ABL2: variants seen among roughly 807,000 people sequenced by gnomAD.
ABL2 encodes the protein ABL proto-oncogene 2, non-receptor tyrosine kinase.
Under a neutral mutation model 107.7 loss-of-function variants are expected in ABL2, and 49 were observed. The ratio of observed to expected loss-of-function variants is 0.45; its 90% CI spans 0.36 to 0.58. The LOEUF (loss-of-function observed/expected upper bound fraction) is 0.58, where lower values mean the gene tolerates loss of function less well. Ranked by LOEUF, ABL2 falls within the 20% of genes least tolerant of loss-of-function variation. The pLI, the probability that ABL2 is intolerant of heterozygous loss-of-function variation, is 0.00. For missense variants in ABL2, 1,245 were observed against 1,457.0 expected, an observed-to-expected ratio of 0.85 and a Z score of 2.37; for synonymous variants, 549 against 548.6, an observed-to-expected ratio of 1.00 and a Z score of -0.01.
At chr1:179,206,954 C>T (rs924742399) in intron 1 of ABL2, among the ~76,000 whole-genome samples, 2 of 151,978 alleles carry the variant, frequency 1.3e-5, no homozygotes, top group African/African-American at 4.8e-5. Flanking sequence ...ATGTACAGAG[C>T]GAAAAAGAGA....
chr1:179,145,995 G>T (rs1309330222), intron 1 of ABL2, among the ~76,000 whole-genome samples: 1 of 151,206 alleles, frequency 6.6e-6, no homozygotes, highest in African/African-American at 2.4e-5. Context: ...CCAGGTTCAA[G>T]CGATTCTCCT....
At chr1:179,169,939 G>A (rs992499585) in intron 1 of ABL2, among the ~76,000 whole-genome samples, 2 of 152,002 alleles carry the variant, frequency 1.3e-5, no homozygotes, top group African/African-American at 4.8e-5. Flanking sequence ...TGAAGTGGCA[G>A]GAGCTTGAGT....
chr1:179,138,898 C>G (rs1027882569), intron 1 of ABL2, among the ~76,000 whole-genome samples: 2 of 152,232 alleles, frequency 1.3e-5, no homozygotes, highest in African/African-American at 4.8e-5. Flanking sequence ...GCTGGAGTTC[C>G]GGGTGGGCGT....
rs1335312607 is a variant in ABL2 at position 179,184,313 on chromosome 1, G to A, written c.157+44928C>T. 3 of 539,566 alleles carry A rather than the reference G, an allele frequency of 5.6e-6. No individual in the cohort carries two copies. The African/African-American group carries it at 5.9e-5, about 11-fold the overall frequency. 33.4% of individuals were successfully genotyped at this position (539,566 alleles called of 1,614,324 possible). A position where few individuals can be genotyped will look rare whatever the true frequency, so the allele number is the denominator to read the frequency against. ...TCTTCAACGAATTTCATTTGAATGA[G>A]AGTGGTATTCCATCTTCAAAGTCCA... On this transcript the variant is annotated intron_variant, in intron 1 of 11. Transcript: ENST00000502732.
At chr1:179,173,550 C>A (rs1157518599) in intron 1 of ABL2, among the ~76,000 whole-genome samples, 1 of 151,800 alleles carries the variant, frequency 6.6e-6, no homozygotes, top group Non-Finnish European at 1.5e-5. Context: ...GGGGGTTTCA[C>A]CATGTTGGCC....
intron 1 of ABL2, among the ~76,000 whole-genome samples, chr1:179,160,241 T>G (rs1406942356): frequency 6.6e-6 from 1 of 151,962 alleles, no homozygotes; most frequent in Non-Finnish European, 1.5e-5. Flanking sequence ...CAGCCGGGGG[T>G]GGTGGCTTAC....
chr1:179,201,749 C>T, intron 1 of ABL2: 1 of 782,056 alleles, frequency 1.3e-6, no homozygotes, highest in Non-Finnish European at 2.1e-6. Context: ...TCAACTATGA[C>T]CTTCCCACCA....
rs374178588 is a variant in ABL2 at position 179,215,973 on chromosome 1, T to C, written c.157+13268A>G. On this transcript the variant is annotated intron_variant, in intron 1 of 11. Transcript: ENST00000502732. ...ATGTTAACAAAATTACATGTGTACATATTATGTATTATACTAAGCTCCAGA... is the reference window on the plus strand; with the variant it reads ...ATGTTAACAAAATTACATGTGTACACATTATGTATTATACTAAGCTCCAGA... Among the ~76,000 whole-genome samples, 8 of 152,350 alleles carry C rather than the reference T, an allele frequency of 5.3e-5. No individual in the cohort carries two copies. In the East Asian group the frequency reaches 1.5e-3, roughly 29 times the overall value.
chr1:179,172,826 GAAT>G (rs1483653892), intron 1 of ABL2, among the ~76,000 whole-genome samples: 2 of 152,150 alleles, frequency 1.3e-5, no homozygotes. Flanking sequence ...TGTCCACCCA[GAAT>G]ATTATGTGGT....
At chr1:179,121,158 AG>A (rs1450809367) in intron 5 of ABL2, among the ~76,000 whole-genome samples, 1 of 152,216 alleles carries the variant, frequency 6.6e-6, no homozygotes, top group Non-Finnish European at 1.5e-5. Context: ...ACTACGAAAA[AG>A]ATTTCTGTTA....
In ABL2 at chr1:179,175,038, GT is replaced by G. The variant is rs956832739; in HGVS notation, c.158-41665del. Among the ~76,000 whole-genome samples, 6 of 151,228 alleles carry G rather than the reference GT, an allele frequency of 4.0e-5. 1 individual carries two copies. Among genetic ancestry groups the G allele is most frequent in the Non-Finnish European group, 8.8e-5 (6 of 67,870 alleles). On this transcript the variant is annotated intron_variant, in intron 1 of 11. Coordinates refer to ENST00000502732, the MANE Select transcript of ABL2 (RefSeq NM_007314.4). ...GTGTCTTTCCCCCATGGAATTCTTA[GT>G]TTTTTTAAAAAAATAGTATTTTAAA...
chr1:179,201,352 C>G (rs1404079704), intron 1 of ABL2: 1 of 152,546 alleles, frequency 6.6e-6, no homozygotes, highest in East Asian at 1.9e-4. Flanking sequence ...TGTAACTTAT[C>G]AGCTACTTAT....
At chr1:179,134,419 G>A (rs1656640538) in intron 1 of ABL2, among the ~76,000 whole-genome samples, 2 of 151,578 alleles carry the variant, frequency 1.3e-5, no homozygotes, top group South Asian at 2.1e-4. Flanking sequence ...AGATGGACTC[G>A]GCCATGGAGG....
chr1:179,148,206 T>C (rs1025646580), intron 1 of ABL2, among the ~76,000 whole-genome samples: 1 of 151,984 alleles, frequency 6.6e-6, no homozygotes, highest in Non-Finnish European at 1.5e-5. Flanking sequence ...CCCCGGCTAA[T>C]TTTTGTATTT....
chr1:179,161,065 A>G (rs548605535), intron 1 of ABL2, among the ~76,000 whole-genome samples: 13 of 152,270 alleles, frequency 8.5e-5, no homozygotes, highest in African/African-American at 3.1e-4. Context: ...AGGTGATACC[A>G]ATGCTAGTAG....
rs1037676268 is a variant in ABL2 at position 179,109,189 on chromosome 1, G to A, written c.2078C>T (p.Ala693Val). The stretch of plus-strand genomic sequence containing the variant: ...GAACCCATCAGCATGCTGTAGAGAA[G>A]CAACAGATGAGAAGTTACCCGTGAG... ...YELTGNFSSV[A>V]SLQHADGFSF... The change falls in exon 12 of 12, where the codon GCT becomes GTT. Residue 693 changes from alanine to valine, a missense_variant. By Grantham distance (64) the Ala-to-Val change is moderately conservative. Coordinates refer to ENST00000502732, the MANE Select transcript of ABL2 (RefSeq NM_007314.4). The A allele has an allele frequency of 1.9e-6, 3 of 1,614,044 alleles. No homozygotes were observed. The highest frequency in any genetic ancestry group is 8.5e-7 in the Non-Finnish European group (1 of 1,180,008).
rs1659241205 is a variant in ABL2, at chr1:179,164,057, T to C, written c.158-30683A>G. On this transcript the variant is annotated intron_variant, in intron 1 of 11. Transcript: ENST00000502732. ...CCAGGGATTAAAGGGGGGGAATATG[T>C]GACTACAGAGGGATTGCATGAGACA... Among the ~76,000 whole-genome samples the C allele has an allele frequency of 6.6e-5, 10 of 152,304 alleles. No individual in the cohort carries two copies. The South Asian group carries it at 2.1e-3, about 32-fold the overall frequency.
rs2102554549 is a variant in ABL2 at position 179,100,281 on chromosome 1, A to T, written c.*7437T>A. The T allele has an allele frequency of 4.4e-6, 1 of 228,824 alleles. No individual in the cohort carries two copies. The highest frequency in any genetic ancestry group is 1.8e-4 in the South Asian group (1 of 5,480). The allele number at this position is 228,824 out of a possible 1,614,324, so 14.2% of individuals were successfully genotyped here. A position where few individuals can be genotyped will look rare whatever the true frequency, so the allele number is the denominator to read the frequency against. On this transcript the variant is annotated 3_prime_UTR_variant, in exon 12 of 12. Transcript: ENST00000502732. ...GGTTTCTCTGGCCCTCATCTACCAG[A>T]AGCATCTCTGTCCCCTGGCGTTCTT...
chr1:179,126,245 C>G lies in ABL2; in HGVS notation c.687+132G>C. 1.8e-6 allele frequency: 2 copies of G among 1,111,476 alleles called. No homozygotes were observed. The highest frequency in any genetic ancestry group is 2.5e-6 in the Non-Finnish European group (2 of 792,508). The allele number at this position is 1,111,476 out of a possible 1,614,324, so 68.9% of individuals were successfully genotyped here. A position where few individuals can be genotyped will look rare whatever the true frequency, so the allele number is the denominator to read the frequency against. On this transcript the variant is annotated intron_variant, in intron 4 of 11. Transcript: ENST00000502732. This position sits in a 1 kb window ranked among gnomAD's most constrained non-coding sequence, Gnocchi z 4.4. ...TACAAGCTCTAACATGCCAAAAAGC[C>G]CAAACTCACAAAGCTAGTGAATATT...
Sources: allele counts gnomAD v4.1 joint callset (sites outside exome capture counted in the v4.1 genomes callset), GRCh38; gene constraint gnomAD v4.1.1; non-coding constraint Gnocchi (gnomAD v3.1); transcripts MANE v1.5; gene names NCBI Gene and HGNC (gene_info 2026-07-23, HGNC 2026-07-21).